The following GREM1 variants were observed in gnomAD, a reference collection of about 807,000 sequenced individuals.
GREM1 encodes the protein gremlin 1, DAN family BMP antagonist, also known as gremlin-1.
GREM1 carries 6 observed loss-of-function variants against 13.1 expected under a neutral mutation model. The observed-to-expected ratio is 0.46, with a 90% CI of 0.25 to 0.91. The LOEUF is 0.91. GREM1 is among the 40% of genes least tolerant of loss of function. The pLI is 0.18. For synonymous variants in GREM1, 98 were observed against 93.7 expected (o/e 1.05, Z -0.27); for missense variants, 185 against 233.9 (o/e 0.79, Z 1.36).
Position 32,732,496 on chromosome 15 carries a change from C to A in GREM1, c.*1251C>A, listed in dbSNP as rs555847992. On this transcript the variant is annotated 3_prime_UTR_variant, in exon 2 of 2. Coordinates refer to ENST00000651154, the MANE Select transcript of GREM1 (RefSeq NM_013372.7). Reference sequence around the variant, plus strand: ...TCAGGAGATTGGGCTAAAGAGAAGACGACGAGAGTAAGGAAATAAAGGGAA... The same window carrying A: ...TCAGGAGATTGGGCTAAAGAGAAGAAGACGAGAGTAAGGAAATAAAGGGAA... 1 of 245,214 alleles carries A rather than the reference C, an allele frequency of 4.1e-6. No individual in the cohort carries two copies. Among genetic ancestry groups the A allele is most frequent in the Non-Finnish European group, 8.6e-6 (1 of 116,432 alleles). 15.2% of individuals were successfully genotyped at this position (245,214 alleles called of 1,614,324 possible). A position where few individuals can be genotyped will look rare whatever the true frequency, so the allele number is the denominator to read the frequency against.
intron 1 of GREM1, among the ~76,000 whole-genome samples, chr15:32,719,507 C>T (rs967815591): frequency 6.6e-6 from 1 of 151,470 alleles, no homozygotes; most frequent in Non-Finnish European, 1.5e-5. Flanking sequence ...CTCTTATAGA[C>T]AGAAATACAG....
At chr15:32,724,833 C>G (rs945794833) in intron 1 of GREM1, among the ~76,000 whole-genome samples, 9 of 151,878 alleles carry the variant, frequency 5.9e-5, no homozygotes, top group Non-Finnish European at 8.8e-5. Context: ...GTTCCCCTCC[C>G]TGTGTCCATG....
chr15:32,723,348 C>T (rs1486743453), intron 1 of GREM1, among the ~76,000 whole-genome samples: 1 of 152,126 alleles, frequency 6.6e-6, no homozygotes, highest in African/African-American at 2.4e-5. Flanking sequence ...TGTGGCAGAG[C>T]CCTGGTTCCA....
At position 32,718,052 on chromosome 15, in the gene GREM1, G is replaced by A. The variant is rs556187651; in HGVS notation, c.-111G>A. On this transcript the variant is annotated 5_prime_UTR_variant, in exon 1 of 2. Transcript: ENST00000651154. ...GGGCGACCCAGTGCACGGCCGCCGC[G>A]TCACTCTCGGTCCCGCTGACCCCGC... 1,316 of 1,168,238 alleles carry A rather than the reference G, an allele frequency of 1.1e-3. 10 individuals are homozygous for A. In the African/African-American group the frequency reaches 0.014, roughly 13 times the overall value. The allele number at this position is 1,168,238 out of a possible 1,614,324, so 72.4% of individuals were successfully genotyped here.
rs2055743333 is a variant in GREM1, at chr15:32,739,527, CCAA to C, written c.*8286_*8288del. The C allele has an allele frequency of 6.6e-6, 1 of 152,200 alleles. No homozygotes were observed. 9.4% of individuals were successfully genotyped at this position (152,200 alleles called of 1,614,324 possible). On this transcript the variant is annotated 3_prime_UTR_variant, in exon 2 of 2. Coordinates refer to ENST00000651154, the MANE Select transcript of GREM1 (RefSeq NM_013372.7). Reference sequence around the variant, plus strand: ...TAAATGTTTGCTTCTTCCTCTGGCACCAACAAGTTTACTGAGCAGAAGTTTAAA... The same window carrying C: ...TAAATGTTTGCTTCTTCCTCTGGCACCAAGTTTACTGAGCAGAAGTTTAAA...
chr15:32,743,943 C>G lies in GREM1; in HGVS notation c.*12698C>G, dbSNP rs1335344120. On this transcript the variant is annotated 3_prime_UTR_variant, in exon 2 of 2. Coordinates refer to ENST00000651154, the MANE Select transcript of GREM1 (RefSeq NM_013372.7). The stretch of plus-strand genomic sequence containing the variant: ...TGAACCTCTCTTCACGACTTAGTAA[C>G]TGGCTTCCTCTAGAGTGACTAATCC... The G allele has an allele frequency of 2.6e-5, 4 of 152,176 alleles. No homozygotes were observed. The highest frequency in any genetic ancestry group is 4.4e-5 in the Non-Finnish European group (3 of 68,038). 9.4% of individuals were successfully genotyped at this position (152,176 alleles called of 1,614,324 possible).
intron 1 of GREM1, 63 bp downstream of exon 1, chr15:32,718,224 C>G (rs982132437): frequency 2.8e-5 from 35 of 1,241,198 alleles, no homozygotes; most frequent in East Asian, 1.1e-4. Flanking sequence ...GCAAACCAAC[C>G]CAGGACCCGC....
At chr15:32,728,181 A>G (rs1409185742) in intron 1 of GREM1, among the ~76,000 whole-genome samples, 1 of 152,220 alleles carries the variant, frequency 6.6e-6, no homozygotes, top group Non-Finnish European at 1.5e-5. Context: ...TATAGCCAAG[A>G]CGATCCTAAG....
In GREM1 at chr15:32,731,405, G is replaced by A; in HGVS notation, c.*160G>A. ...TTGTGCGTAGTTCGTGTGCATGAGT[G>A]TGGATGGGTGCCTGTGGGTGTTTTT... On this transcript the variant is annotated 3_prime_UTR_variant, in exon 2 of 2. Coordinates refer to ENST00000651154, the MANE Select transcript of GREM1 (RefSeq NM_013372.7). 1 of 627,278 alleles carries A rather than the reference G, an allele frequency of 1.6e-6. No homozygotes were observed. Among genetic ancestry groups the A allele is most frequent in the Non-Finnish European group, 2.9e-6 (1 of 348,556 alleles). The allele number at this position is 627,278 out of a possible 1,614,324, so 38.9% of individuals were successfully genotyped here. A position where few individuals can be genotyped will look rare whatever the true frequency, so the allele number is the denominator to read the frequency against.
At position 32,731,093 on chromosome 15, in the gene GREM1, G is replaced by A. The variant is rs1354011335; in HGVS notation, c.403G>A (p.Glu135Lys). 1 of 1,614,084 alleles carries A rather than the reference G, an allele frequency of 6.2e-7. No homozygotes were observed. The highest frequency in any genetic ancestry group is 1.7e-5 in the Admixed American group (1 of 60,008). Reference sequence around the variant, plus strand: ...CATCCCCAGGCACATCCGGAAGGAGGAAGGTTCCTTTCAGTCCTGCTCCTT... The same window carrying A: ...CATCCCCAGGCACATCCGGAAGGAGAAAGGTTCCTTTCAGTCCTGCTCCTT... ...FYIPRHIRKE[E>K]GSFQSCSFCK... The change falls in exon 2 of 2, where the codon GAA becomes AAA. Residue 135 changes from glutamate (E) to lysine (K), a missense_variant. Transcript: ENST00000651154.
rs935024630 is a variant in GREM1, at chr15:32,740,394, T to C, written c.*9149T>C. ...AAAGTTAAGAATTTTGACAAAGAGA[T>C]AGAGTATATTTAAAAGTACCAAAAA... On this transcript the variant is annotated 3_prime_UTR_variant, in exon 2 of 2. Transcript: ENST00000651154. 2 of 151,976 alleles carry C rather than the reference T, an allele frequency of 1.3e-5. No individual in the cohort carries two copies. Among genetic ancestry groups the C allele is most frequent in the Non-Finnish European group, 2.9e-5 (2 of 67,980 alleles). 9.4% of individuals were successfully genotyped at this position (151,976 alleles called of 1,614,324 possible).
At chr15:32,729,378 TTTAG>T (rs1442378904) in intron 1 of GREM1, among the ~76,000 whole-genome samples, 1 of 19,590 alleles carries the variant, frequency 5.1e-5, no homozygotes, top group Non-Finnish European at 2.6e-4. Context: ...GGAAAATCTT[TTTAG>T]TCTGTCTGAG....
At chr15:32,720,857 G>T (rs1482026644) in intron 1 of GREM1, among the ~76,000 whole-genome samples, 1 of 152,150 alleles carries the variant, frequency 6.6e-6, no homozygotes. Context: ...GATAGAATTG[G>T]GTTTAAACTG....
rs2055724319 is a variant in GREM1 at position 32,738,114 on chromosome 15, A to AC, written c.*6869_*6870insC. The AC allele has an allele frequency of 7.9e-6, 1 of 127,384 alleles. No individual in the cohort carries two copies. Among genetic ancestry groups the AC allele is most frequent in the East Asian group, 2.3e-4 (1 of 4,262 alleles). The allele number at this position is 127,384 out of a possible 1,614,324, so 7.9% of individuals were successfully genotyped here. On this transcript the variant is annotated 3_prime_UTR_variant, in exon 2 of 2. Transcript: ENST00000651154. ...AAAAAAAAAAAAAAAAAAAAAAAAA[A>AC]AAAAAAAAAAAAAAAAAAAGAAAAG...
rs918150903 is a variant in GREM1 at position 32,738,587 on chromosome 15, A to G, written c.*7342A>G. 2.6e-5 allele frequency: 4 copies of G among 152,254 alleles called. No homozygotes were observed. Among genetic ancestry groups the G allele is most frequent in the African/African-American group, 9.6e-5 (4 of 41,472 alleles). The allele number at this position is 152,254 out of a possible 1,614,324, so 9.4% of individuals were successfully genotyped here. On this transcript the variant is annotated 3_prime_UTR_variant, in exon 2 of 2. Transcript: ENST00000651154. ...AATTGACAAGTTAATCCTAAAATTC[A>G]TAAGAAATTGAAAGGGATCCACAAT...
At chr15:32,729,529 G>A (rs1241982398) in intron 1 of GREM1, among the ~76,000 whole-genome samples, 1 of 151,924 alleles carries the variant, frequency 6.6e-6, no homozygotes, top group East Asian at 1.9e-4. Context: ...TCTCTGAATT[G>A]CATTCTTCAC....
At chr15:32,723,067 C>T (rs1212265587) in intron 1 of GREM1, among the ~76,000 whole-genome samples, 5 of 152,106 alleles carry the variant, frequency 3.3e-5, no homozygotes, top group Admixed American at 2.0e-4. Context: ...CAGCTAATGA[C>T]GGCGCATGAA....
In GREM1 at chr15:32,740,314, T is replaced by C. The variant is rs2055749954; in HGVS notation, c.*9069T>C. 6.6e-6 allele frequency: 1 copy of C among 152,210 alleles called. No individual in the cohort carries two copies. Among genetic ancestry groups the C allele is most frequent in the African/African-American group, 2.4e-5 (1 of 41,452 alleles). 9.4% of individuals were successfully genotyped at this position (152,210 alleles called of 1,614,324 possible). ...CTTATGTGATTTACCTGACAGAGAA[T>C]TCAGAATAGCTCTCATAAAGATTCT... On this transcript the variant is annotated 3_prime_UTR_variant, in exon 2 of 2. Transcript: ENST00000651154.
At position 32,741,025 on chromosome 15, in the gene GREM1, G is replaced by A. The variant is rs2055757064; in HGVS notation, c.*9780G>A. 1 of 152,118 alleles carries A rather than the reference G, an allele frequency of 6.6e-6. No individual in the cohort carries two copies. Among genetic ancestry groups the A allele is most frequent in the Admixed American group, 6.6e-5 (1 of 15,264 alleles). 9.4% of individuals were successfully genotyped at this position (152,118 alleles called of 1,614,324 possible). ...TGGATGGCACCACATGGGATAGGGG[G>A]AAAGTAGTTGAAAAAAAATAGTTGT... On this transcript the variant is annotated 3_prime_UTR_variant, in exon 2 of 2. Transcript: ENST00000651154.
Sources: allele counts gnomAD v4.1 joint callset (sites outside exome capture counted in the v4.1 genomes callset), GRCh38; gene constraint gnomAD v4.1.1; transcripts MANE v1.5; gene names NCBI Gene and HGNC (gene_info 2026-07-23, HGNC 2026-07-21).